Variants in IDUA observed in about 807,000 individuals in gnomAD.
IDUA encodes alpha-L-iduronidase.
IDUA carries 65 observed loss-of-function variants against 68.9 expected under a neutral mutation model. The observed-to-expected ratio is 0.94, with a 90% CI of 0.77 to 1.16. The LOEUF is 1.16. Ranked by LOEUF, IDUA falls within the 50% of genes most tolerant of loss-of-function variation. The pLI, the probability that IDUA is intolerant of heterozygous loss-of-function variation, is 0.00. For synonymous variants in IDUA, 529 were observed against 433.6 expected (o/e 1.22, Z -2.73); for missense variants, 1,046 against 938.0 (o/e 1.12, Z -1.50).
chr4:987,131 C>G lies in IDUA; in HGVS notation c.47C>G (p.Ser16Trp). ...PRAALLALLA[S>W]LLAAPPVAPA... ...GCCGCGCTGCTGGCGCTCCTGGCCT[C>G]GCTCCTGGCCGCGCCCCCGGTGGCC... Residue 16 changes from serine to tryptophan, a missense_variant, in exon 1 of 14, where the codon TCG becomes TGG. By Grantham distance (177) the Ser-to-Trp change is radical. Transcript: ENST00000514224. 7.1e-7 allele frequency: 1 copy of G among 1,411,658 alleles called. No individual in the cohort carries two copies. The highest frequency in any genetic ancestry group is 1.5e-5 in the African/African-American group (1 of 66,388). The allele number at this position is 1,411,658 out of a possible 1,614,324, so 87.4% of individuals were successfully genotyped here.
chr4:991,904 G>C, intron 2 of IDUA: 1 of 1,143,488 alleles, frequency 8.7e-7, no homozygotes, highest in Non-Finnish European at 1.3e-6. Context: ...GGTATGGATG[G>C]ACGCTGGGCC....
chr4:987,176 T>C lies in IDUA; in HGVS notation c.92T>C (p.Leu31Pro). The C allele has an allele frequency of 1.4e-6, 2 of 1,457,460 alleles. No individual in the cohort carries two copies. Among genetic ancestry groups the C allele is most frequent in the Non-Finnish European group, 1.8e-6 (2 of 1,110,492 alleles). 90.3% of individuals were successfully genotyped at this position (1,457,460 alleles called of 1,614,324 possible). A position where few individuals can be genotyped will look rare whatever the true frequency, so the allele number is the denominator to read the frequency against. The change falls in exon 1 of 14, where the codon CTG (leucine) becomes CCG (proline). Residue 31 changes from leucine to proline, a missense_variant. Transcript: ENST00000514224. ...PPVAPAEAPH[L>P]VHVDAARALW... ...GTGGCCCCGGCCGAGGCCCCGCACC[T>C]GGTGCATGTGGACGCGGCCCGCGCG...
intron 1 of IDUA, 108 bp downstream of exon 1, chr4:987,350 G>T: frequency 9.0e-7 from 1 of 1,109,048 alleles, no homozygotes; most frequent in Non-Finnish European, 1.3e-6. Context: ...CTCCTCTGGG[G>T]CCCTGGCTCT....
intron 5 of IDUA, 41 bp downstream of exon 5, chr4:1,001,604 G>A (rs765628837): frequency 2.5e-5 from 40 of 1,609,404 alleles, no homozygotes; most frequent in Non-Finnish European, 3.1e-5. Context: ...CTGAAAGGGG[G>A]CAGAGGAAGG....
chr4:990,372 G>A (rs757868510), intron 2 of IDUA: 1 of 1,583,806 alleles, frequency 6.3e-7, no homozygotes. Flanking sequence ...CCTGTGGACG[G>A]AGTGCGGTCA....
Position 1,004,494 on chromosome 4 carries a change from T to C in IDUA, c.*101T>C. 1 of 1,148,148 alleles carries C rather than the reference T, an allele frequency of 8.7e-7. No homozygotes were observed. Among genetic ancestry groups the C allele is most frequent in the Non-Finnish European group, 1.2e-6 (1 of 818,910 alleles). The allele number at this position is 1,148,148 out of a possible 1,614,324, so 71.1% of individuals were successfully genotyped here. ...CTCCCATCACCCCCTTTGCAATATA[T>C]TTTTATATTTTATTATTTTCTTTTA... On this transcript the variant is annotated 3_prime_UTR_variant, in exon 14 of 14. Transcript: ENST00000514224. The surrounding 1 kb of genome is among the most constrained non-coding windows in gnomAD (Gnocchi z 5.0).
chr4:990,958 C>A, intron 2 of IDUA: 1 of 665,478 alleles, frequency 1.5e-6, no homozygotes, highest in Non-Finnish European at 2.4e-6. Flanking sequence ...CGCGTCGGTG[C>A]CTCGCCCTGG....
intron 2 of IDUA, chr4:992,241 G>A (rs745466678): frequency 6.6e-6 from 3 of 456,742 alleles, no homozygotes; most frequent in South Asian, 1.6e-5. Context: ...GTTGGCAAAC[G>A]GTCCTGCTGT....
In IDUA at chr4:1,004,314, G is replaced by C. The variant is rs200448421; in HGVS notation, c.1883G>C (p.Arg628Pro). The change falls in exon 14 of 14, where the codon CGA becomes CCA. Residue 628 changes from arginine (R) to proline (P), a missense_variant. By Grantham distance (103) the Arg-to-Pro change is moderately radical. Coordinates refer to ENST00000514224, the MANE Select transcript of IDUA (RefSeq NM_000203.5). The surrounding 1 kb of genome is among the most constrained non-coding windows in gnomAD (Gnocchi z 5.0). ...YRVRALDYWA[R>P]PGPFSDPVPY... The stretch of plus-strand genomic sequence containing the variant: ...GTTCGAGCCCTGGACTACTGGGCCC[G>C]ACCAGGCCCCTTCTCGGACCCTGTG... The C allele has an allele frequency of 1.9e-6, 3 of 1,611,384 alleles. No individual in the cohort carries two copies. The highest frequency in any genetic ancestry group is 1.3e-5 in the African/African-American group (1 of 74,840).
chr4:996,755 G>A (rs906181808), intron 2 of IDUA, among the ~76,000 whole-genome samples: 8 of 152,196 alleles, frequency 5.3e-5, no homozygotes, highest in African/African-American at 1.9e-4. Flanking sequence ...GAGCATTGAG[G>A]CAGTGGCTGG....
In IDUA at chr4:1,003,094, G is replaced by T. The variant is rs1715210435; in HGVS notation, c.1461G>T (p.Trp487Cys). The part of the protein sequence containing the change: ...DNGLCSPDGE[W>C]RRLGRPVFPT... ...GGCTCTGCAGCCCCGACGGCGAGTG[G>T]CGGCGCCTGGGCCGGCCCGTCTTCC... The change falls in exon 10 of 14, where the codon TGG becomes TGT. Residue 487 changes from tryptophan to cysteine, a missense_variant. Coordinates refer to ENST00000514224, the MANE Select transcript of IDUA (RefSeq NM_000203.5). 2.0e-6 allele frequency: 3 copies of T among 1,521,176 alleles called. No individual in the cohort carries two copies. Among genetic ancestry groups the T allele is most frequent in the Non-Finnish European group, 2.6e-6 (3 of 1,142,930 alleles). The allele number at this position is 1,521,176 out of a possible 1,614,324, so 94.2% of individuals were successfully genotyped here. A position where few individuals can be genotyped will look rare whatever the true frequency, so the allele number is the denominator to read the frequency against.
At position 991,295 on chromosome 4, in the gene IDUA, C is replaced by T. The variant is rs1183231016; in HGVS notation, c.299+3346C>T. On this transcript the variant is annotated intron_variant, in intron 2 of 13. Coordinates refer to ENST00000514224, the MANE Select transcript of IDUA (RefSeq NM_000203.5). Reference sequence around the variant, plus strand: ...CCGGCCAGCTGGAGCTCCCGGTCCACCACCTGCCCCACCATGAGGCAAAGC... The same window carrying T: ...CCGGCCAGCTGGAGCTCCCGGTCCATCACCTGCCCCACCATGAGGCAAAGC... The T allele has an allele frequency of 2.5e-6, 4 of 1,612,776 alleles. No homozygotes were observed. The South Asian group carries it at 4.4e-5, about 18-fold the overall frequency.
chr4:1,004,074 G>A lies in IDUA; in HGVS notation c.1790G>A (p.Arg597Lys). The A allele has an allele frequency of 1.2e-6, 2 of 1,612,668 alleles. No homozygotes were observed. ...GGTAAGGCGTACACCCCGGTCAGCA[G>A]GAAGCCATCGACCTTCAACCTCTTT... ...QDGKAYTPVS[R>K]KPSTFNLFVF... is the part of the protein sequence containing the mutation. Residue 597 changes from arginine (R) to lysine (K), a missense_variant, in exon 13 of 14, where the codon AGG (arginine) becomes AAG (lysine). Physicochemically the swap from Arg to Lys is conservative, Grantham distance 26. Coordinates refer to ENST00000514224, the MANE Select transcript of IDUA (RefSeq NM_000203.5). This position sits in a 1 kb window ranked among gnomAD's most constrained non-coding sequence, Gnocchi z 5.0.
At chr4:992,096 C>T (rs866846448) in intron 2 of IDUA, 1 of 511,014 alleles carries the variant, frequency 2.0e-6, no homozygotes, top group African/African-American at 1.9e-5. Context: ...CTGAAGCTCA[C>T]CTCCCCAACG....
intron 2 of IDUA, chr4:990,091 C>A (rs776919627): frequency 6.3e-7 from 1 of 1,596,916 alleles, no homozygotes; most frequent in Admixed American, 1.7e-5. Context: ...GTGTCGGTAG[C>A]GGTCTGAGAG....
Position 1,002,718 on chromosome 4 carries a change from C to CG in IDUA, c.1190-14_1190-13insG. On this transcript the variant is annotated splice_polypyrimidine_tract_variant and intron_variant, in intron 8 of 13. Transcript: ENST00000514224. ...AACGACCCCACGCGGCGACGGCCCC[C>CG]CCCCGCCCCGCAGATGAGGAGCAGC... 1.4e-6 allele frequency: 2 copies of CG among 1,443,530 alleles called. No homozygotes were observed. Among genetic ancestry groups the CG allele is most frequent in the Non-Finnish European group, 1.8e-6 (2 of 1,086,726 alleles). The allele number at this position is 1,443,530 out of a possible 1,614,324, so 89.4% of individuals were successfully genotyped here.
chr4:990,483 G>C, intron 2 of IDUA: 1 of 996,536 alleles, frequency 1.0e-6, no homozygotes, highest in South Asian at 1.7e-5. Flanking sequence ...TCTGTGTTGC[G>C]GCCCCGTGTG....
At chr4:990,331 A>G (rs143250139) in intron 2 of IDUA, 4 of 1,604,170 alleles carry the variant, frequency 2.5e-6, no homozygotes, top group Non-Finnish European at 3.4e-6. Context: ...GTAGGCGGAC[A>G]CGAAGCCCAG....
intron 2 of IDUA, among the ~76,000 whole-genome samples, chr4:996,421 C>T (rs1329068786): frequency 1.3e-5 from 2 of 152,176 alleles, no homozygotes; most frequent in African/African-American, 2.4e-5. Flanking sequence ...CAGACGCCTG[C>T]ATGCAGGGTG....
Sources: allele counts gnomAD v4.1 joint callset (sites outside exome capture counted in the v4.1 genomes callset), GRCh38; gene constraint gnomAD v4.1.1; non-coding constraint Gnocchi (gnomAD v3.1); transcripts MANE v1.5; gene names NCBI Gene and HGNC (gene_info 2026-07-23, HGNC 2026-07-21).